Variants in ESR1 observed in about 807,000 individuals in gnomAD.
ESR1 encodes estrogen receptor.
ESR1 carries 12 observed loss-of-function variants against 52.7 expected under a neutral mutation model. The observed-to-expected ratio is 0.23, with a 90% CI of 0.15 to 0.37. ESR1 has a LOEUF of 0.37. Among genes scored for constraint, ESR1 ranks in the 10% least tolerant of loss-of-function variants. ESR1 has a pLI of 1.00. For synonymous variants in ESR1, 305 were observed against 316.8 expected (o/e 0.96, Z 0.39); for missense variants, 584 against 779.7 (o/e 0.75, Z 2.99).
intron 2 of ESR1, among the ~76,000 whole-genome samples, chr6:151,787,419 A>G (rs1328472007): frequency 6.6e-6 from 1 of 152,164 alleles, no homozygotes; most frequent in African/African-American, 2.4e-5. Flanking sequence ...CATTGAATCT[A>G]TAAGTTGCTT....
chr6:151,752,553 C>T (rs917314954), intron 2 of ESR1, among the ~76,000 whole-genome samples: 1 of 148,034 alleles, frequency 6.8e-6, no homozygotes, highest in African/African-American at 2.5e-5. Flanking sequence ...GTGTTTTCAC[C>T]AGAATAAAAA....
chr6:152,092,471 C>T (rs190730568), intron 6 of ESR1, among the ~76,000 whole-genome samples: 6 of 152,292 alleles, frequency 3.9e-5, no homozygotes, highest in Non-Finnish European at 7.3e-5. Flanking sequence ...CAAACTGCTA[C>T]GTGAGCAGTA....
At chr6:151,995,795 A>C (rs1369978956) in intron 4 of ESR1, among the ~76,000 whole-genome samples, 1 of 152,202 alleles carries the variant, frequency 6.6e-6, no homozygotes, top group Non-Finnish European at 1.5e-5. Flanking sequence ...ATGAGCTAAC[A>C]CTTAATGAGT....
At chr6:152,119,937 G>T (rs775200778) in intron 6 of ESR1, among the ~76,000 whole-genome samples, 2 of 152,208 alleles carry the variant, frequency 1.3e-5, no homozygotes, top group African/African-American at 2.4e-5. Flanking sequence ...TTCTTCGAAG[G>T]TTCTGTTGTT....
At chr6:151,681,749 GT>G (rs1214626352) in intron 1 of ESR1, among the ~76,000 whole-genome samples, 2 of 152,030 alleles carry the variant, frequency 1.3e-5, no homozygotes, top group Non-Finnish European at 1.5e-5. Flanking sequence ...CGGTCGCTTT[GT>G]GGGTTTAGTG....
chr6:151,920,416 G>T (rs1047012182), intron 3 of ESR1, among the ~76,000 whole-genome samples: 1 of 151,322 alleles, frequency 6.6e-6, no homozygotes, highest in African/African-American at 2.4e-5. Flanking sequence ...CTCTATTATC[G>T]ACATCTTACA....
At chr6:151,792,153 C>T (rs1484929305) in intron 2 of ESR1, among the ~76,000 whole-genome samples, 1 of 152,142 alleles carries the variant, frequency 6.6e-6, no homozygotes, top group Non-Finnish European at 1.5e-5. Flanking sequence ...TATATCTAAA[C>T]ACACTTCAAC....
intron 1 of ESR1, among the ~76,000 whole-genome samples, chr6:151,808,667 C>T (rs1778287060): frequency 6.6e-6 from 1 of 152,174 alleles, no homozygotes; most frequent in Admixed American, 6.5e-5. Flanking sequence ...GTTGGAAAAC[C>T]AGACAAAGCA....
chr6:151,691,341 G>A (rs1262030899), intron 1 of ESR1, among the ~76,000 whole-genome samples: 2 of 152,106 alleles, frequency 1.3e-5, no homozygotes, highest in African/African-American at 4.8e-5. Flanking sequence ...GGGCTACTCG[G>A]GTAATGATGT....
At chr6:151,850,115 T>A (rs1243428839) in intron 2 of ESR1, among the ~76,000 whole-genome samples, 1 of 1,734 alleles carries the variant, frequency 5.8e-4, no homozygotes, top group Non-Finnish European at 2.4e-3. Flanking sequence ...TATACAAAAT[T>A]ATATATATAT....
chr6:151,987,652 A>T lies in ESR1; in HGVS notation c.1097-24004A>T, dbSNP rs112781435. On this transcript the variant is annotated intron_variant, in intron 4 of 7. Coordinates refer to ENST00000206249, the MANE Select transcript of ESR1 (RefSeq NM_000125.4). ...TACCTTTCCTCACAGATTATTTCTC[A>T]TCCTGCAGCCTGGGTCCAAAGTGCT... 9.9e-3 allele frequency among the ~76,000 whole-genome samples: 1,499 copies of T among 152,118 alleles called. 37 individuals are homozygous for T. The highest frequency in any genetic ancestry group is 0.035 in the African/African-American group (1,443 of 41,450).
chr6:151,866,965 A>G (rs538498910), intron 2 of ESR1, among the ~76,000 whole-genome samples: 8 of 152,300 alleles, frequency 5.3e-5, no homozygotes, highest in Non-Finnish European at 8.8e-5. Flanking sequence ...AATGCTACAC[A>G]TGTACAACCC....
At chr6:151,859,073 T>A (rs981636926) in intron 2 of ESR1, among the ~76,000 whole-genome samples, 1 of 152,208 alleles carries the variant, frequency 6.6e-6, no homozygotes, top group Non-Finnish European at 1.5e-5. Context: ...GCAGTAGATA[T>A]GGAAGGGTCA....
At chr6:152,092,162 A>T (rs1176147846) in intron 6 of ESR1, among the ~76,000 whole-genome samples, 1 of 152,208 alleles carries the variant, frequency 6.6e-6, no homozygotes, top group Non-Finnish European at 1.5e-5. Context: ...TGATAGACAC[A>T]TTCTTTCTCT....
chr6:151,709,022 A>G (rs941514536), intron 2 of ESR1, among the ~76,000 whole-genome samples: 1 of 152,192 alleles, frequency 6.6e-6, no homozygotes, highest in African/African-American at 2.4e-5. Context: ...ATATATTGTT[A>G]TTAACTATAG....
chr6:151,905,804 C>T (rs76995920), intron 3 of ESR1, among the ~76,000 whole-genome samples: 3 of 152,102 alleles, frequency 2.0e-5, no homozygotes, highest in East Asian at 1.9e-4. Context: ...TGTTTGAAAG[C>T]GAAAAATACT....
At chr6:152,073,724 G>A (rs1039525605) in intron 6 of ESR1, among the ~76,000 whole-genome samples, 1 of 152,134 alleles carries the variant, frequency 6.6e-6, no homozygotes, top group East Asian at 1.9e-4. Context: ...GGCCAGAAGT[G>A]AGGGATGTTT....
At chr6:151,743,337 G>A (rs370354077) in intron 2 of ESR1, among the ~76,000 whole-genome samples, 17 of 152,104 alleles carry the variant, frequency 1.1e-4, no homozygotes, top group East Asian at 3.9e-4. Flanking sequence ...AGCTCCTTCC[G>A]TCTCCTGATG....
intron 2 of ESR1, among the ~76,000 whole-genome samples, chr6:151,775,065 A>G (rs1002907000): frequency 6.6e-6 from 1 of 152,206 alleles, no homozygotes; most frequent in Admixed American, 6.5e-5. Context: ...CGAAATTTAT[A>G]TGCATGACTC....
Sources: gnomAD v4.1 joint callset for allele counts (sites outside exome capture counted in the v4.1 genomes callset) on GRCh38, gnomAD v4.1.1 for gene constraint, MANE v1.5 for transcripts, NCBI Gene and HGNC (gene_info 2026-07-23, HGNC 2026-07-21) for gene names.